NELL1: variants seen among roughly 807,000 people sequenced by gnomAD.
NELL1 encodes protein kinase C-binding protein NELL1.
In NELL1, 76 loss-of-function variants were observed where a neutral mutation model predicts 107.4. The observed-to-expected ratio is 0.71, with a 90% confidence interval of 0.59 to 0.86. NELL1 has a LOEUF of 0.86. Ranked by LOEUF, NELL1 falls within the 40% of genes least tolerant of loss-of-function variation. The pLI is 0.00. For missense variants in NELL1, 1,024 were observed against 1,005.5 expected (o/e 1.02, Z -0.25); for synonymous variants, 353 against 341.2 (o/e 1.03, Z -0.38).
intron 16 of NELL1, among the ~76,000 whole-genome samples, chr11:21,559,936 C>T (rs1856809055): frequency 6.6e-6 from 1 of 152,072 alleles, no homozygotes; most frequent in African/African-American, 2.4e-5. Context: ...CTTACTAGCT[C>T]TATGACAGTG....
At chr11:20,960,765 G>A (rs765870164) in intron 12 of NELL1, among the ~76,000 whole-genome samples, 4 of 152,156 alleles carry the variant, frequency 2.6e-5, no homozygotes, top group Non-Finnish European at 4.4e-5. Context: ...TTTGAAGGTC[G>A]TTATGAAGCA....
intron 12 of NELL1, among the ~76,000 whole-genome samples, chr11:21,091,409 G>A (rs1390054182): frequency 6.6e-6 from 1 of 152,156 alleles, no homozygotes; most frequent in Non-Finnish European, 1.5e-5. Flanking sequence ...GCGAATGCAT[G>A]GAAACATGGA....
chr11:20,871,187 C>T (rs988513990), intron 4 of NELL1, among the ~76,000 whole-genome samples: 2 of 152,186 alleles, frequency 1.3e-5, no homozygotes, highest in Admixed American at 1.3e-4. Context: ...TGAATCCCTT[C>T]CTGCCCTCCT....
chr11:21,113,372 G>A (rs1224680886), intron 12 of NELL1, among the ~76,000 whole-genome samples: 1 of 151,972 alleles, frequency 6.6e-6, no homozygotes, highest in Non-Finnish European at 1.5e-5. Context: ...GCTCTTACCT[G>A]TTTTGTCTCA....
chr11:21,305,755 C>A lies in NELL1; in HGVS notation c.1550-65098C>A, dbSNP rs559437977. ...TTCTATATATATATTACATTTGTTA[C>A]AAGCATTTCATAATCCTTTTAAAAT... On this transcript the variant is annotated intron_variant, in intron 14 of 19. Transcript: ENST00000357134. 1.6e-4 allele frequency among the ~76,000 whole-genome samples: 25 copies of A among 151,910 alleles called. No individual in the cohort carries two copies. In the Middle Eastern group the frequency reaches 0.01, roughly 62 times the overall value.
chr11:21,354,806 G>C (rs1850893471), intron 14 of NELL1, among the ~76,000 whole-genome samples: 1 of 152,166 alleles, frequency 6.6e-6, no homozygotes. Context: ...GTTATATAAA[G>C]TTGCAGAATG....
chr11:21,551,709 C>T (rs1179208304), intron 16 of NELL1, among the ~76,000 whole-genome samples: 2 of 151,366 alleles, frequency 1.3e-5, no homozygotes, highest in African/African-American at 4.8e-5. Context: ...CCAGTTCAAC[C>T]ATTGTGGAAG....
intron 15 of NELL1, among the ~76,000 whole-genome samples, chr11:21,511,476 C>A (rs1855433138): frequency 6.6e-6 from 1 of 152,092 alleles, no homozygotes; most frequent in South Asian, 2.1e-4. Flanking sequence ...GGTCCCTGGC[C>A]TCCTGGGTTT....
At chr11:21,342,068 A>G (rs1046456198) in intron 14 of NELL1, among the ~76,000 whole-genome samples, 5 of 152,204 alleles carry the variant, frequency 3.3e-5, no homozygotes. Flanking sequence ...TAACTTCTGT[A>G]ATACCATTGT....
intron 4 of NELL1, among the ~76,000 whole-genome samples, chr11:20,883,537 C>T (rs1472095606): frequency 1.3e-5 from 2 of 152,192 alleles, no homozygotes; most frequent in Admixed American, 1.3e-4. Flanking sequence ...AATGGTTCAA[C>T]ATTTTCAATT....
rs144986029 is a variant in NELL1 at position 20,969,987 on chromosome 11, T to C, written c.1300+9427T>C. ...TATTTTAGTCATTGGCAGTATTTGT[T>C]CTAGAACACTAGAACACAGGTCTTT... is the stretch of plus-strand genomic sequence containing the variant. On this transcript the variant is annotated intron_variant, in intron 12 of 19. Coordinates refer to ENST00000357134, the MANE Select transcript of NELL1 (RefSeq NM_006157.5). Among the ~76,000 whole-genome samples, 621 of 152,228 alleles carry C rather than the reference T, an allele frequency of 4.1e-3. 8 individuals carry two copies. Among genetic ancestry groups the C allele is most frequent in the African/African-American group, 0.014 (584 of 41,534 alleles).
chr11:20,959,516 A>C (rs1851246758), intron 11 of NELL1, among the ~76,000 whole-genome samples: 1 of 152,224 alleles, frequency 6.6e-6, no homozygotes, highest in Non-Finnish European at 1.5e-5. Context: ...TGGCATTCAC[A>C]GCAAGCTGGG....
rs1213467125 is a variant in NELL1, at chr11:21,560,268, T to C, written c.1866T>C (p.Cys622=). 7 of 1,613,594 alleles carry C rather than the reference T, an allele frequency of 4.3e-6. No homozygotes were observed. The highest frequency in any genetic ancestry group is 5.9e-6 in the Non-Finnish European group (7 of 1,179,708). The change falls in exon 17 of 20, where the codon TGT becomes TGC. Residue 622 remains cysteine (C), a synonymous_variant. Coordinates refer to ENST00000357134, the MANE Select transcript of NELL1 (RefSeq NM_006157.5). ...TCAACCTGGCAGGGGGCTTTGACTG[T>C]CTCTGCCCCTCTGGGCCCTCCTGCT... The part of the protein sequence containing the change: ...ACINLAGGFD[C]LCPSGPSCSG...
At chr11:20,940,740 A>G (rs1246107844) in intron 10 of NELL1, among the ~76,000 whole-genome samples, 1 of 152,232 alleles carries the variant, frequency 6.6e-6, no homozygotes, top group African/African-American at 2.4e-5. Flanking sequence ...GAGGCAGACA[A>G]TACAAGGGCA....
chr11:21,245,643 G>T (rs1858471281), intron 14 of NELL1, among the ~76,000 whole-genome samples: 1 of 152,146 alleles, frequency 6.6e-6, no homozygotes, highest in Non-Finnish European at 1.5e-5. Flanking sequence ...ACTGGCGTAG[G>T]CAGGCGGACA....
intron 5 of NELL1, among the ~76,000 whole-genome samples, chr11:20,901,004 C>T (rs1849860449): frequency 1.3e-5 from 2 of 152,158 alleles, no homozygotes; most frequent in African/African-American, 4.8e-5. Context: ...AGTAAACATA[C>T]ATCAAATATC....
intron 14 of NELL1, among the ~76,000 whole-genome samples, chr11:21,301,337 T>C (rs1849487378): frequency 6.6e-6 from 1 of 152,186 alleles, no homozygotes; most frequent in Non-Finnish European, 1.5e-5. Context: ...TCCACAATGG[T>C]TGAACTAGTT....
chr11:20,753,287 C>A (rs768709663), intron 2 of NELL1, among the ~76,000 whole-genome samples: 4 of 152,116 alleles, frequency 2.6e-5, no homozygotes, highest in Non-Finnish European at 4.4e-5. Context: ...ATTTTGTATT[C>A]CAAAAAGCAT....
At chr11:21,424,072 AAG>A (rs1450067033) in intron 15 of NELL1, among the ~76,000 whole-genome samples, 1 of 152,210 alleles carries the variant, frequency 6.6e-6, no homozygotes. Context: ...AGGAGCTAGA[AAG>A]AGTAACTAAA....
Sources: allele counts gnomAD v4.1 joint callset (sites outside exome capture counted in the v4.1 genomes callset), GRCh38; gene constraint gnomAD v4.1.1; transcripts MANE v1.5; gene names NCBI Gene and HGNC (gene_info 2026-07-23, HGNC 2026-07-21).